The following FADS3 variants were observed in gnomAD, a reference collection of about 807,000 sequenced individuals.
FADS3 encodes fatty acid desaturase 3.
FADS3 carries 30 observed loss-of-function variants against 60.4 expected under a neutral mutation model. The ratio of observed to expected loss-of-function variants is 0.50; its 90% confidence interval spans 0.37 to 0.67. The LOEUF is 0.67. Among genes scored for constraint, FADS3 ranks in the 30% least tolerant of loss-of-function variants. The probability of loss-of-function intolerance (pLI) is 0.00; values close to 1 mark genes in which losing one functional copy is unlikely to be tolerated. For synonymous variants in FADS3, 234 were observed against 249.3 expected, an observed-to-expected ratio of 0.94 and a Z score of 0.58; for missense variants, 432 against 598.3, an observed-to-expected ratio of 0.72 and a Z score of 2.90.
In FADS3 at chr11:61,873,850, A is replaced by G; in HGVS notation, c.1302T>C (p.Ser434=). The G allele has an allele frequency of 6.2e-7, 1 of 1,600,998 alleles. No individual in the cohort carries two copies. The highest frequency in any genetic ancestry group is 8.5e-7 in the Non-Finnish European group (1 of 1,173,204). ...LVDIVRSLKK[S]GDIWLDAYLH... ...GGTAGGCGTCCAGCCAGATGTCACC[A>G]GACTTCTTCAGGGACCTGGGAGGTG... The change falls in exon 12 of 12, where the codon TCT becomes TCC. Residue 434 remains serine (S), a synonymous_variant. Coordinates refer to ENST00000278829, the MANE Select transcript of FADS3 (RefSeq NM_021727.5).
intron 5 of FADS3, 35 bp downstream of exon 5, chr11:61,878,477 C>A (rs771589591): frequency 1.2e-6 from 2 of 1,605,656 alleles, no homozygotes; most frequent in Non-Finnish European, 1.7e-6. Context: ...AGCTGCAGGC[C>A]CAGCCAGAGG....
At position 61,877,459 on chromosome 11, in the gene FADS3, C is replaced by T. The variant is rs372803947; in HGVS notation, c.885+52G>A. On this transcript the variant is annotated intron_variant, in intron 7 of 11. Coordinates refer to ENST00000278829, the MANE Select transcript of FADS3 (RefSeq NM_021727.5). This position sits in a 1 kb window ranked among gnomAD's most constrained non-coding sequence, Gnocchi z 4.7. ...GGGCAGGTACTGTCCCCCGAGGCAC[C>T]ACCTCCTGCCACGGCAGCCGTATGC... The T allele has an allele frequency of 7.0e-5, 110 of 1,570,198 alleles. No homozygotes were observed. Among genetic ancestry groups the T allele is most frequent in the Non-Finnish European group, 9.4e-5 (108 of 1,146,664 alleles).
At position 61,878,500 on chromosome 11, in the gene FADS3, C is replaced by A; in HGVS notation, c.747+12G>T. Reference sequence around the variant, plus strand: ...GCCCAGCCAGAGGTTGTCCACGTCCCTCCCCACCCACCTCGACGGATGACT... The same window carrying A: ...GCCCAGCCAGAGGTTGTCCACGTCCATCCCCACCCACCTCGACGGATGACT... On this transcript the variant is annotated intron_variant, in intron 5 of 11. Coordinates refer to ENST00000278829, the MANE Select transcript of FADS3 (RefSeq NM_021727.5). The A allele has an allele frequency of 6.2e-7, 1 of 1,612,716 alleles. No individual in the cohort carries two copies.
chr11:61,888,932 G>C (rs537867889), intron 1 of FADS3, among the ~76,000 whole-genome samples: 2 of 152,336 alleles, frequency 1.3e-5, no homozygotes, highest in African/African-American at 4.8e-5. Context: ...TTTTGCTCTT[G>C]TTGCCCAGGC....
At chr11:61,878,357 G>C in intron 5 of FADS3, 142 bp from the exon 6 acceptor site, 1 of 1,376,512 alleles carries the variant, frequency 7.3e-7, no homozygotes, top group Non-Finnish European at 1.0e-6. Context: ...CAGCAGGTTG[G>C]GAGGTGGGAA....
At chr11:61,879,645 G>C (rs1938050637) in intron 2 of FADS3, 136 bp from the exon 3 acceptor site, 1 of 848,582 alleles carries the variant, frequency 1.2e-6, no homozygotes, top group Non-Finnish European at 1.8e-6. Context: ...AGAGTACCCA[G>C]CCCGGGGTGT....
Position 61,878,675 on chromosome 11 carries a change from C to T in FADS3, c.625-41G>A, listed in dbSNP as rs377474838. 2.3e-4 allele frequency: 372 copies of T among 1,612,774 alleles called. 4 individuals carry two copies. In the South Asian group the frequency reaches 3.6e-3, roughly 16 times the overall value. On this transcript the variant is annotated intron_variant, in intron 4 of 11. Transcript: ENST00000278829. ...GGGCTCTCAGGGCAGGCTGTGCCCC[C>T]GACTGTGCCCACACACTTGGGCAGA...
At chr11:61,886,591 C>T (rs915008272) in intron 1 of FADS3, among the ~76,000 whole-genome samples, 4 of 152,044 alleles carry the variant, frequency 2.6e-5, no homozygotes, top group Non-Finnish European at 5.9e-5. Context: ...TAGTCCTGTC[C>T]CTCCCCAGCT....
intron 11 of FADS3, among the ~76,000 whole-genome samples, chr11:61,875,413 A>G (rs1298483713): frequency 3.2e-5 from 3 of 93,558 alleles, no homozygotes; most frequent in Non-Finnish European, 6.6e-5. Flanking sequence ...TTTTTTTTTT[A>G]GTAGAGACGG....
In FADS3 at chr11:61,877,006, C is replaced by T. The variant is rs778862432; in HGVS notation, c.886-43G>A. ...GGCGATACCGAGAGGTCTCCAGGTG[C>T]CCGGAGGTCTGGAGGCCTGGTGGGT... On this transcript the variant is annotated intron_variant, in intron 7 of 11. Transcript: ENST00000278829. The surrounding 1 kb of genome is among the most constrained non-coding windows in gnomAD (Gnocchi z 4.7). 8.3e-6 allele frequency: 12 copies of T among 1,441,530 alleles called. No individual in the cohort carries two copies. Among genetic ancestry groups the T allele is most frequent in the South Asian group, 5.2e-5 (4 of 76,750 alleles). 89.3% of individuals were successfully genotyped at this position (1,441,530 alleles called of 1,614,324 possible). A position where few individuals can be genotyped will look rare whatever the true frequency, so the allele number is the denominator to read the frequency against.
At position 61,878,217 on chromosome 11, in the gene FADS3, T is replaced by C. The variant is rs764906264; in HGVS notation, c.748-2A>G. On this transcript the variant is annotated splice_acceptor_variant, in intron 5 of 11. Transcript: ENST00000278829. LOFTEE classifies it high-confidence loss of function. ...GTATCTGCGTTTCTTCTTGCCATAC[T>C]GTGGAGACAGGCGGCGGCTGGAGAC... 6.2e-7 allele frequency: 1 copy of C among 1,614,142 alleles called. No individual in the cohort carries two copies. The highest frequency in any genetic ancestry group is 8.5e-7 in the Non-Finnish European group (1 of 1,179,990).
chr11:61,875,697 T>C (rs998343929), intron 11 of FADS3, among the ~76,000 whole-genome samples, 154 bp downstream of exon 11: 1 of 152,194 alleles, frequency 6.6e-6, no homozygotes, highest in Admixed American at 6.5e-5. Context: ...AAATTCTCAC[T>C]GTGTGCGTGA....
Position 61,874,354 on chromosome 11 carries a change from AAGG to A in FADS3, c.1287-492_1287-490del, listed in dbSNP as rs562230622. Among the ~76,000 whole-genome samples, 150 of 152,346 alleles carry A rather than the reference AAGG, an allele frequency of 9.8e-4. 1 individual carries two copies. Among genetic ancestry groups the A allele is most frequent in the African/African-American group, 3.3e-3 (137 of 41,588 alleles). On this transcript the variant is annotated intron_variant, in intron 11 of 11. Transcript: ENST00000278829. ...GAGCATCAGGCTGGGAGAGATCATG[AAGG>A]AGAAGTGGGCATCTGAACACCAGCA...
chr11:61,884,526 G>A (rs1009601891), intron 1 of FADS3, among the ~76,000 whole-genome samples: 1 of 152,222 alleles, frequency 6.6e-6, no homozygotes, highest in African/African-American at 2.4e-5. Flanking sequence ...TGGAACAGAG[G>A]GGAAGCAGCA....
At chr11:61,874,546 C>G (rs1030164928) in intron 11 of FADS3, among the ~76,000 whole-genome samples, 1 of 152,266 alleles carries the variant, frequency 6.6e-6, no homozygotes, top group Non-Finnish European at 1.5e-5. Context: ...TCCTTTTCCA[C>G]TTCGACTCCT....
chr11:61,879,435 G>T lies in FADS3; in HGVS notation c.399C>A (p.Thr133=). 6.2e-7 allele frequency: 1 copy of T among 1,606,460 alleles called. No individual in the cohort carries two copies. Among genetic ancestry groups the T allele is most frequent in the South Asian group, 1.1e-5 (1 of 89,168 alleles). Reference sequence around the variant, plus strand: ...TGTGGCCCAGTAGGAAAGCAAAGAAGGTGGGACTGGCATCAAACAGCTTCA... The same window carrying T: ...TGTGGCCCAGTAGGAAAGCAAAGAATGTGGGACTGGCATCAAACAGCTTCA... ...EDMKLFDASP[T]FFAFLLGHIL... The change falls in exon 3 of 12, where the codon ACC becomes ACA. Residue 133 remains threonine (T), a synonymous_variant. Coordinates refer to ENST00000278829, the MANE Select transcript of FADS3 (RefSeq NM_021727.5).
chr11:61,884,985 A>G lies in FADS3; in HGVS notation c.214-4834T>C, dbSNP rs530971764. Among the ~76,000 whole-genome samples the G allele has an allele frequency of 1.0e-3, 158 of 152,144 alleles. 2 individuals are homozygous for G. Among genetic ancestry groups the G allele is most frequent in the African/African-American group, 3.8e-3 (156 of 41,520 alleles). On this transcript the variant is annotated intron_variant, in intron 1 of 11. Transcript: ENST00000278829. ...AAGAGCCAACCCTCCACAGCCCCCA[A>G]AGCAGGGGCACGAACCATTTTGCTG...
intron 11 of FADS3, among the ~76,000 whole-genome samples, chr11:61,875,116 GC>G (rs1177530160): frequency 2.0e-5 from 3 of 152,210 alleles, no homozygotes; most frequent in African/African-American, 7.2e-5. Context: ...AGAACCACCT[GC>G]ATGGGGTTCA....
intron 1 of FADS3, chr11:61,882,663 C>T (rs955221390): frequency 1.3e-5 from 2 of 152,248 alleles, no homozygotes; most frequent in African/African-American, 4.8e-5. Flanking sequence ...TCAAGCGATC[C>T]TCCCACCTCA....
Sources: allele counts gnomAD v4.1 joint callset (sites outside exome capture counted in the v4.1 genomes callset), GRCh38; gene constraint gnomAD v4.1.1; non-coding constraint Gnocchi (gnomAD v3.1); transcripts MANE v1.5; gene names NCBI Gene and HGNC (gene_info 2026-07-23, HGNC 2026-07-21).